Variants in CCDC91 observed in about 807,000 individuals in gnomAD.
The protein encoded by CCDC91 is coiled-coil domain containing 91.
A neutral mutation model predicts 63.2 loss-of-function variants in CCDC91; 48 were observed. That is an observed-to-expected ratio of 0.76 (90% CI 0.60 to 0.97). The LOEUF is 0.97. Among genes scored for constraint, CCDC91 ranks in the 50% least tolerant of loss-of-function variants. CCDC91 has a pLI of 0.00. For missense variants in CCDC91, 500 were observed against 494.6 expected, an observed-to-expected ratio of 1.01 and a Z score of -0.10; for synonymous variants, 167 against 165.8, an observed-to-expected ratio of 1.01 and a Z score of -0.06.
In CCDC91 at chr12:28,349,093, T is replaced by A. The variant is rs183244075; in HGVS notation, c.577-13345T>A. On this transcript the variant is annotated intron_variant, in intron 6 of 12. Transcript: ENST00000536442. Reference sequence around the variant, plus strand: ...GTATTTCCAAGAGCTTTATTTTTTGTTGTTCTTTGAGTCTTCTATTTTTAT... The same window carrying A: ...GTATTTCCAAGAGCTTTATTTTTTGATGTTCTTTGAGTCTTCTATTTTTAT... 1.5e-3 allele frequency among the ~76,000 whole-genome samples: 235 copies of A among 152,320 alleles called. 1 individual carries two copies. The highest frequency in any genetic ancestry group is 2.6e-3 in the Non-Finnish European group (180 of 68,026).
chr12:28,328,549 TA>T (rs1334153948), intron 6 of CCDC91, among the ~76,000 whole-genome samples: 1 of 152,148 alleles, frequency 6.6e-6, no homozygotes, highest in Non-Finnish European at 1.5e-5. Context: ...ACTCCTTGCA[TA>T]GTGGAAGTTG....
At position 28,191,971 on chromosome 12, in the gene CCDC91, C is replaced by T. The variant is rs564967668; in HGVS notation, c.-15+1330C>T. 9.9e-5 allele frequency among the ~76,000 whole-genome samples: 15 copies of T among 152,162 alleles called. 1 individual carries two copies. The East Asian group carries it at 2.9e-3, about 29-fold the overall frequency. The stretch of plus-strand genomic sequence containing the variant: ...ACTGGTTTCCTAGCAACAGTATAAG[C>T]CCAATGGAATAAACATAAAGAAAAC... On this transcript the variant is annotated intron_variant, in intron 1 of 12. Transcript: ENST00000536442.
intron 7 of CCDC91, among the ~76,000 whole-genome samples, chr12:28,370,883 A>G (rs1944577184): frequency 6.6e-6 from 1 of 151,864 alleles, no homozygotes; most frequent in Non-Finnish European, 1.5e-5. Context: ...TCTCATGAGA[A>G]CTCACTCACT....
At chr12:28,407,541 G>T (rs558291049) in intron 8 of CCDC91, among the ~76,000 whole-genome samples, 1 of 152,190 alleles carries the variant, frequency 6.6e-6, no homozygotes, top group African/African-American at 2.4e-5. Flanking sequence ...TTATAATCCA[G>T]TATTGTTTTT....
intron 1 of CCDC91, among the ~76,000 whole-genome samples, chr12:28,251,751 C>G (rs1364455328): frequency 2.6e-5 from 4 of 152,058 alleles, no homozygotes; most frequent in Admixed American, 2.0e-4. Context: ...AACATATGAG[C>G]TAGTCTATTT....
At chr12:28,530,032 A>G (rs1241178514) in intron 12 of CCDC91, among the ~76,000 whole-genome samples, 2 of 152,178 alleles carry the variant, frequency 1.3e-5, no homozygotes, top group African/African-American at 2.4e-5. Flanking sequence ...ACTGTGACAG[A>G]TTGTATTTTC....
chr12:28,454,450 A>C (rs1471978948), intron 11 of CCDC91, among the ~76,000 whole-genome samples: 2 of 152,180 alleles, frequency 1.3e-5, no homozygotes, highest in African/African-American at 4.8e-5. Flanking sequence ...GACAGAAGCC[A>C]GTCTCCCAGG....
At chr12:28,209,396 A>G (rs1943076099) in intron 1 of CCDC91, among the ~76,000 whole-genome samples, 1 of 152,232 alleles carries the variant, frequency 6.6e-6, no homozygotes, top group Non-Finnish European at 1.5e-5. Flanking sequence ...CAATGTGTTC[A>G]CACACAGAAT....
At chr12:28,527,344 G>A (rs1941348698) in intron 12 of CCDC91, among the ~76,000 whole-genome samples, 1 of 152,174 alleles carries the variant, frequency 6.6e-6, no homozygotes, top group African/African-American at 2.4e-5. Context: ...GGGTTCCCGA[G>A]AGCTGAGCTG....
In CCDC91 at chr12:28,306,942, A is replaced by C; in HGVS notation, c.468A>C (p.Lys156Asn). The change falls in exon 5 of 13, where the codon AAA becomes AAC. Residue 156 changes from lysine to asparagine, a missense_variant. Coordinates refer to ENST00000536442, the MANE Select transcript of CCDC91 (RefSeq NM_018318.5). ...KVSEEEKQRIKQDVESLMEKH... is the reference protein window; with the variant it reads ...KVSEEEKQRINQDVESLMEKH... ...CTGAAGAAGAAAAACAGAGAATTAAACAGGTATATTTACATTTGCCTAAGA... is the reference window on the plus strand; with the variant it reads ...CTGAAGAAGAAAAACAGAGAATTAACCAGGTATATTTACATTTGCCTAAGA... 6.3e-7 allele frequency: 1 copy of C among 1,581,826 alleles called. No individual in the cohort carries two copies. The highest frequency in any genetic ancestry group is 8.7e-7 in the Non-Finnish European group (1 of 1,153,234).
At chr12:28,319,707 A>AT (rs1448680381) in intron 6 of CCDC91, among the ~76,000 whole-genome samples, 1 of 151,720 alleles carries the variant, frequency 6.6e-6, no homozygotes, top group Non-Finnish European at 1.5e-5. Flanking sequence ...CAATATAATA[A>AT]TAAGAGAAAA....
intron 8 of CCDC91, among the ~76,000 whole-genome samples, chr12:28,409,706 T>G (rs1396656418): frequency 6.6e-6 from 1 of 152,150 alleles, no homozygotes; most frequent in Non-Finnish European, 1.5e-5. Context: ...TAAGTACTAC[T>G]TTAGGTGCAT....
chr12:28,372,175 C>G (rs1175072081), intron 7 of CCDC91, among the ~76,000 whole-genome samples: 1 of 152,134 alleles, frequency 6.6e-6, no homozygotes, highest in Non-Finnish European at 1.5e-5. Context: ...TCTGGGTTCT[C>G]TATTCTGTTA....
chr12:28,354,656 C>T (rs117953129), intron 6 of CCDC91, among the ~76,000 whole-genome samples: 97 of 152,072 alleles, frequency 6.4e-4, no homozygotes, highest in Admixed American at 1.0e-3. Context: ...AGCCATATTC[C>T]TTTTTTTGAT....
chr12:28,531,445 A>C (rs1369575594), intron 12 of CCDC91, among the ~76,000 whole-genome samples: 1 of 152,146 alleles, frequency 6.6e-6, no homozygotes. Context: ...ATATGTGTGT[A>C]CCATAAAAAT....
At chr12:28,413,247 CA>C (rs955749290) in intron 8 of CCDC91, among the ~76,000 whole-genome samples, 1 of 152,042 alleles carries the variant, frequency 6.6e-6, no homozygotes, top group Non-Finnish European at 1.5e-5. Flanking sequence ...TCCTATTAAA[CA>C]TTTTTTTGGT....
intron 12 of CCDC91, among the ~76,000 whole-genome samples, chr12:28,531,047 A>G (rs1166244897): frequency 6.6e-6 from 1 of 152,202 alleles, no homozygotes; most frequent in Admixed American, 6.6e-5. Flanking sequence ...AGTCTCAGGT[A>G]GTCCATTATA....
At chr12:28,353,149 C>T (rs1315576954) in intron 6 of CCDC91, among the ~76,000 whole-genome samples, 1 of 152,196 alleles carries the variant, frequency 6.6e-6, no homozygotes, top group Non-Finnish European at 1.5e-5. Context: ...ATGAACCAAT[C>T]TCTGATAACC....
intron 6 of CCDC91, among the ~76,000 whole-genome samples, chr12:28,325,021 A>G (rs950749060): frequency 2.9e-4 from 44 of 151,970 alleles, no homozygotes; most frequent in African/African-American, 7.5e-4. Flanking sequence ...AGAATGTGCT[A>G]TTTGTCATAA....
Sources: allele counts gnomAD v4.1 joint callset (sites outside exome capture counted in the v4.1 genomes callset), GRCh38; gene constraint gnomAD v4.1.1; transcripts MANE v1.5; gene names NCBI Gene and HGNC (gene_info 2026-07-23, HGNC 2026-07-21).